Variants in KLHDC10 observed in about 807,000 individuals in gnomAD.
KLHDC10 encodes the protein kelch domain containing 10, also known as kelch domain-containing protein 10.
KLHDC10 carries 24 observed loss-of-function variants against 56.1 expected under a neutral mutation model. The ratio of observed to expected loss-of-function variants is 0.43; its 90% CI spans 0.31 to 0.60. KLHDC10 has a LOEUF of 0.60. Ranked by LOEUF, KLHDC10 falls within the 20% of genes least tolerant of loss-of-function variation. The pLI, the probability that KLHDC10 is intolerant of heterozygous loss-of-function variation, is 0.11. For missense variants in KLHDC10, 349 were observed against 567.0 expected, an observed-to-expected ratio of 0.62 and a Z score of 3.91; for synonymous variants, 188 against 207.1, an observed-to-expected ratio of 0.91 and a Z score of 0.79.
intron 2 of KLHDC10, among the ~76,000 whole-genome samples, chr7:130,106,304 G>A (rs1796007438): frequency 6.6e-6 from 1 of 152,142 alleles, no homozygotes; most frequent in Non-Finnish European, 1.5e-5. Flanking sequence ...CTTTCCAGAT[G>A]TGGTTCTTTC....
chr7:130,124,221 A>G (rs114377726), intron 5 of KLHDC10, among the ~76,000 whole-genome samples: 4,081 of 152,318 alleles, frequency 0.027, 188 homozygotes, highest in African/African-American at 0.094. Flanking sequence ...GACACAAAAA[A>G]GTTCTCAATA....
chr7:130,102,620 A>G (rs1055381881), intron 2 of KLHDC10, among the ~76,000 whole-genome samples: 31 of 152,232 alleles, frequency 2.0e-4, no homozygotes, highest in African/African-American at 7.5e-4. Flanking sequence ...CCAGGAGTTC[A>G]AGACCAGCCT....
At chr7:130,128,889 A>AAAAAAATATATATATATAT in intron 8 of KLHDC10, among the ~76,000 whole-genome samples, 13 of 66,950 alleles carry the variant, frequency 1.9e-4, no homozygotes, top group African/African-American at 7.3e-4. Flanking sequence ...AAAAAAAAAA[A>AAAAAAATATATATATATAT]ATATATATAT....
At chr7:130,072,812 A>C (rs1228158382) in intron 1 of KLHDC10, among the ~76,000 whole-genome samples, 1 of 151,860 alleles carries the variant, frequency 6.6e-6, no homozygotes, top group East Asian at 1.9e-4. Flanking sequence ...GCTGGAGTGC[A>C]GTGTCGCGAT....
rs1189927966 is a variant in KLHDC10, at chr7:130,116,348, C to T, written c.254-97C>T. 1.3e-6 allele frequency: 1 copy of T among 799,824 alleles called. No homozygotes were observed. The highest frequency in any genetic ancestry group is 2.1e-6 in the Non-Finnish European group (1 of 479,342). The allele number at this position is 799,824 out of a possible 1,614,324, so 49.5% of individuals were successfully genotyped here. Reference sequence around the variant, plus strand: ...AGTATATCCATGTTATAAATCCTTCCTGGTCCCCTTTTATGGCTAAAATGG... The same window carrying T: ...AGTATATCCATGTTATAAATCCTTCTTGGTCCCCTTTTATGGCTAAAATGG... On this transcript the variant is annotated intron_variant, in intron 2 of 9. Coordinates refer to ENST00000335420, the MANE Select transcript of KLHDC10 (RefSeq NM_014997.4). This position sits in a 1 kb window ranked among gnomAD's most constrained non-coding sequence, Gnocchi z 4.8.
At chr7:130,101,605 G>T (rs79208284) in intron 2 of KLHDC10, among the ~76,000 whole-genome samples, 6,277 of 152,198 alleles carry the variant, frequency 0.041, 573 homozygotes, top group East Asian at 0.39. Context: ...ATAAAGCCAT[G>T]AGAACATTTC....
chr7:130,075,760 T>C (rs2116833648), intron 1 of KLHDC10, among the ~76,000 whole-genome samples: 1 of 152,366 alleles, frequency 6.6e-6, no homozygotes. Context: ...CAAGTTTATG[T>C]TTCCCTGTTG....
chr7:130,077,543 T>C (rs1204654633), intron 1 of KLHDC10, among the ~76,000 whole-genome samples: 1 of 142,000 alleles, frequency 7.0e-6, no homozygotes, highest in African/African-American at 2.7e-5. Context: ...ACTTTCTTTT[T>C]TCTTTTTCTT....
chr7:130,087,051 G>A (rs1338669908), intron 1 of KLHDC10, among the ~76,000 whole-genome samples: 2 of 152,158 alleles, frequency 1.3e-5, no homozygotes, highest in African/African-American at 4.8e-5. Context: ...GGAAGCTGGG[G>A]TACCCAGGAC....
At chr7:130,080,333 A>C (rs1795586298) in intron 1 of KLHDC10, among the ~76,000 whole-genome samples, 1 of 152,026 alleles carries the variant, frequency 6.6e-6, no homozygotes, top group South Asian at 2.1e-4. Context: ...AGTCATTTGG[A>C]CCTCCTCTTT....
Position 130,134,292 on chromosome 7 carries a change from A to C in KLHDC10, c.*3546A>C, listed in dbSNP as rs1796438367. 6.6e-6 allele frequency: 1 copy of C among 152,216 alleles called. No individual in the cohort carries two copies. The allele number at this position is 152,216 out of a possible 1,614,324, so 9.4% of individuals were successfully genotyped here. On this transcript the variant is annotated 3_prime_UTR_variant, in exon 10 of 10. Coordinates refer to ENST00000335420, the MANE Select transcript of KLHDC10 (RefSeq NM_014997.4). ...CCATATAAGCAGCTGATTGCCTGTA[A>C]TTAGTCAGGCTGAACAATTAGAGTT...
chr7:130,087,559 A>G (rs1039021639), intron 1 of KLHDC10, among the ~76,000 whole-genome samples: 5 of 152,150 alleles, frequency 3.3e-5, no homozygotes, highest in African/African-American at 1.2e-4. Flanking sequence ...TTGGAGTTGA[A>G]TGGTGTTTTT....
intron 1 of KLHDC10, among the ~76,000 whole-genome samples, chr7:130,081,459 C>T (rs1433491013): frequency 6.6e-6 from 1 of 152,034 alleles, no homozygotes; most frequent in Non-Finnish European, 1.5e-5. Context: ...GCTGGGATTA[C>T]AGGCGCACGC....
chr7:130,093,785 CCT>C (rs1795811797), intron 1 of KLHDC10, among the ~76,000 whole-genome samples: 1 of 152,104 alleles, frequency 6.6e-6, no homozygotes, highest in African/African-American at 2.4e-5. Context: ...GATTGAATAA[CCT>C]CCGCAGAGTC....
At position 130,135,459 on chromosome 7, in the gene KLHDC10, A is replaced by C. The variant is rs1796461519; in HGVS notation, c.*4713A>C. 6.5e-6 allele frequency: 1 copy of C among 154,402 alleles called. No homozygotes were observed. The highest frequency in any genetic ancestry group is 1.5e-5 in the Non-Finnish European group (1 of 68,230). 9.6% of individuals were successfully genotyped at this position (154,402 alleles called of 1,614,324 possible). ...TTCCTACAGGGTATGCTTGGGCCAT[A>C]CACAATGCTCGCCTTACTTTAAAGC... is the stretch of plus-strand genomic sequence containing the variant. On this transcript the variant is annotated 3_prime_UTR_variant, in exon 10 of 10. Coordinates refer to ENST00000335420, the MANE Select transcript of KLHDC10 (RefSeq NM_014997.4).
intron 2 of KLHDC10, among the ~76,000 whole-genome samples, chr7:130,112,957 A>T (rs1445650045): frequency 6.6e-6 from 1 of 152,148 alleles, no homozygotes; most frequent in Non-Finnish European, 1.5e-5. Context: ...CAAAATTAAA[A>T]TTTTTCCAGT....
intron 2 of KLHDC10, among the ~76,000 whole-genome samples, chr7:130,109,885 C>T (rs1408831225): frequency 2.6e-5 from 4 of 152,094 alleles, no homozygotes; most frequent in South Asian, 2.1e-4. Context: ...GCAATCTGCC[C>T]GCCTCAGCCT....
At chr7:130,110,599 G>C (rs1213424953) in intron 2 of KLHDC10, among the ~76,000 whole-genome samples, 1 of 152,118 alleles carries the variant, frequency 6.6e-6, no homozygotes, top group Non-Finnish European at 1.5e-5. Context: ...CTGCCTTTTG[G>C]GGGATATGGG....
intron 1 of KLHDC10, among the ~76,000 whole-genome samples, chr7:130,079,928 C>G (rs989709487): frequency 1.4e-5 from 1 of 69,326 alleles, no homozygotes; most frequent in Non-Finnish European, 3.0e-5. Flanking sequence ...CTCCCTTTCT[C>G]GCTTCCTCCT....
Sources: gnomAD v4.1 joint callset for allele counts (sites outside exome capture counted in the v4.1 genomes callset) on GRCh38, gnomAD v4.1.1 for gene constraint, Gnocchi (gnomAD v3.1) non-coding constraint, MANE v1.5 for transcripts, NCBI Gene and HGNC (gene_info 2026-07-23, HGNC 2026-07-21) for gene names.